The following MMP16 variants were observed in gnomAD, a reference collection of about 807,000 sequenced individuals.
MMP16 encodes matrix metallopeptidase 16, also known as matrix metalloproteinase-16.
Under a neutral mutation model 67.8 loss-of-function variants are expected in MMP16, and 12 were observed. The ratio of observed to expected loss-of-function variants is 0.18; its 90% CI spans 0.11 to 0.29. The LOEUF (loss-of-function observed/expected upper bound fraction) is 0.29, where lower values mean the gene tolerates loss of function less well. MMP16 is among the 10% of genes least tolerant of loss of function. MMP16 has a pLI of 1.00. For missense variants in MMP16, 475 were observed against 765.7 expected, an observed-to-expected ratio of 0.62 and a Z score of 4.48; for synonymous variants, 249 against 255.9, an observed-to-expected ratio of 0.97 and a Z score of 0.26.
chr8:88,101,677 G>T (rs1809147686), intron 6 of MMP16, among the ~76,000 whole-genome samples: 1 of 151,880 alleles, frequency 6.6e-6, no homozygotes, highest in South Asian at 2.1e-4. Context: ...TTTAACAATA[G>T]CTCCATTTAA....
intron 1 of MMP16, among the ~76,000 whole-genome samples, chr8:88,299,903 T>C (rs146958802): frequency 1.3e-5 from 2 of 152,226 alleles, no homozygotes; most frequent in African/African-American, 4.8e-5. Flanking sequence ...TTCCAGATTA[T>C]ATAAACAGCA....
intron 1 of MMP16, among the ~76,000 whole-genome samples, chr8:88,291,345 T>C (rs1810922601): frequency 6.6e-6 from 1 of 152,184 alleles, no homozygotes; most frequent in African/African-American, 2.4e-5. Flanking sequence ...TTTAAGAATA[T>C]GTTCTATTAC....
intron 1 of MMP16, among the ~76,000 whole-genome samples, chr8:88,235,208 G>A (rs1432165678): frequency 3.3e-5 from 5 of 151,938 alleles, no homozygotes; most frequent in Non-Finnish European, 5.9e-5. Flanking sequence ...CCTGGCCAAC[G>A]TGGTAAAACT....
At chr8:88,099,372 A>G (rs959853513) in intron 6 of MMP16, among the ~76,000 whole-genome samples, 3 of 151,844 alleles carry the variant, frequency 2.0e-5, no homozygotes, top group Non-Finnish European at 2.9e-5. Flanking sequence ...AGTCTCTAAT[A>G]TAATATATAG....
chr8:88,110,717 A>G (rs1165215992), intron 6 of MMP16, among the ~76,000 whole-genome samples: 4 of 151,708 alleles, frequency 2.6e-5, no homozygotes, highest in Admixed American at 1.3e-4. Flanking sequence ...GATATGAATA[A>G]TAACAACAAA....
intron 1 of MMP16, among the ~76,000 whole-genome samples, chr8:88,267,045 T>C (rs1810487394): frequency 6.6e-6 from 1 of 152,204 alleles, no homozygotes. Context: ...CTATGGCACT[T>C]GTGGACAACT....
intron 4 of MMP16, among the ~76,000 whole-genome samples, chr8:88,167,245 T>C (rs1461082924): frequency 1.3e-5 from 2 of 151,676 alleles, no homozygotes; most frequent in Non-Finnish European, 2.9e-5. Flanking sequence ...TAGAAAATAA[T>C]GTAGAAAAGA....
At chr8:88,138,104 C>A (rs1808152370) in intron 4 of MMP16, among the ~76,000 whole-genome samples, 1 of 149,984 alleles carries the variant, frequency 6.7e-6, no homozygotes, top group Non-Finnish European at 1.5e-5. Context: ...TGTTTTTTTT[C>A]CTAGGTCTAG....
At chr8:88,244,521 G>T (rs1810081027) in intron 1 of MMP16, among the ~76,000 whole-genome samples, 1 of 152,106 alleles carries the variant, frequency 6.6e-6, no homozygotes, top group Non-Finnish European at 1.5e-5. Context: ...CTCTAATAAT[G>T]ATTTTTAAAC....
In MMP16 at chr8:88,180,810, T is replaced by C. The variant is rs1005810942; in HGVS notation, c.404+5666A>G. 3.3e-5 allele frequency among the ~76,000 whole-genome samples: 5 copies of C among 152,114 alleles called. No homozygotes were observed. The South Asian group carries it at 1.0e-3, about 31-fold the overall frequency. On this transcript the variant is annotated intron_variant, in intron 3 of 9. Coordinates refer to ENST00000286614, the MANE Select transcript of MMP16 (RefSeq NM_005941.5). ...TCCTCAAAAAAGTCAGCAAATCAAA[T>C]AGAATAATCTATACAAAGAACTGTA... is the stretch of plus-strand genomic sequence containing the variant.
At position 88,035,536 on chromosome 8, in the gene MMP16, T is replaced by C. The variant is rs1322346001; in HGVS notation, c.*5925A>G. 2 of 152,060 alleles carry C rather than the reference T, an allele frequency of 1.3e-5. No homozygotes were observed. Among genetic ancestry groups the C allele is most frequent in the Non-Finnish European group, 2.9e-5 (2 of 67,946 alleles). 9.4% of individuals were successfully genotyped at this position (152,060 alleles called of 1,614,324 possible). On this transcript the variant is annotated 3_prime_UTR_variant, in exon 10 of 10. Transcript: ENST00000286614. This position sits in a 1 kb window ranked among gnomAD's most constrained non-coding sequence, Gnocchi z 4.7. ...CTTACTCTGCACTGACCATGAGTTC[T>C]GGTTTATGCCCTTATTTGCCTTAGA...
chr8:88,075,602 T>A (rs989081603), intron 6 of MMP16, among the ~76,000 whole-genome samples: 1 of 152,144 alleles, frequency 6.6e-6, no homozygotes, highest in African/African-American at 2.4e-5. Flanking sequence ...TAGTTTTCCA[T>A]TGAAAATTTG....
At chr8:88,180,661 A>C (rs67463323) in intron 3 of MMP16, among the ~76,000 whole-genome samples, 24,300 of 152,078 alleles carry the variant, frequency 0.16, 2,934 homozygotes, top group East Asian at 0.53. Context: ...GCAAAAAAAA[A>C]TGCATGAGGC....
At chr8:88,305,447 G>T (rs1811198114) in intron 1 of MMP16, among the ~76,000 whole-genome samples, 1 of 152,170 alleles carries the variant, frequency 6.6e-6, no homozygotes, top group African/African-American at 2.4e-5. Context: ...GGACCTCATA[G>T]ATATCTACAG....
chr8:88,279,288 A>T (rs1810696036), intron 1 of MMP16, among the ~76,000 whole-genome samples: 1 of 152,142 alleles, frequency 6.6e-6, no homozygotes, highest in East Asian at 1.9e-4. Flanking sequence ...TATTGGTCAT[A>T]TGTTAAAATG....
rs138739096 is a variant in MMP16, at chr8:88,220,733, C to T, written c.133-23427G>A. On this transcript the variant is annotated intron_variant, in intron 1 of 9. Coordinates refer to ENST00000286614, the MANE Select transcript of MMP16 (RefSeq NM_005941.5). Reference sequence around the variant, plus strand: ...AGAAGATTCACTTCAGTGAAGTCAACGTGAGGTGGATGCTGCAGCTGAGTT... The same window carrying T: ...AGAAGATTCACTTCAGTGAAGTCAATGTGAGGTGGATGCTGCAGCTGAGTT... Among the ~76,000 whole-genome samples the T allele has an allele frequency of 4.7e-3, 713 of 152,154 alleles. 5 individuals carry two copies. Among genetic ancestry groups the T allele is most frequent in the African/African-American group, 0.016 (673 of 41,524 alleles).
intron 1 of MMP16, among the ~76,000 whole-genome samples, chr8:88,254,458 A>T (rs2129932748): frequency 6.6e-6 from 1 of 152,078 alleles, no homozygotes; most frequent in African/African-American, 2.4e-5. Flanking sequence ...AACTTAAAAT[A>T]AAAGTTAAAA....
intron 9 of MMP16, among the ~76,000 whole-genome samples, chr8:88,045,325 T>G (rs1029327836): frequency 3.3e-5 from 5 of 152,068 alleles, no homozygotes; most frequent in African/African-American, 7.2e-5. Context: ...TTTATACTAG[T>G]ATAGAGTTTT....
At chr8:88,070,693 C>T (rs1808538342) in intron 7 of MMP16, among the ~76,000 whole-genome samples, 1 of 152,038 alleles carries the variant, frequency 6.6e-6, no homozygotes, top group Admixed American at 6.6e-5. Context: ...GCCTTGGTTC[C>T]CCTACGTTGT....
Sources: allele counts gnomAD v4.1 joint callset (sites outside exome capture counted in the v4.1 genomes callset), GRCh38; gene constraint gnomAD v4.1.1; non-coding constraint Gnocchi (gnomAD v3.1); transcripts MANE v1.5; gene names NCBI Gene and HGNC (gene_info 2026-07-23, HGNC 2026-07-21).